Variants in DOCK3 observed in about 807,000 individuals in gnomAD.
DOCK3 encodes the protein dedicator of cytokinesis protein 3.
DOCK3 carries 60 observed loss-of-function variants against 265.6 expected under a neutral mutation model. That is an observed-to-expected ratio of 0.23 (90% confidence interval 0.18 to 0.28). The LOEUF (loss-of-function observed/expected upper bound fraction) is 0.28, where lower values mean the gene tolerates loss of function less well. Ranked by LOEUF, DOCK3 falls within the 10% of genes least tolerant of loss-of-function variation. DOCK3 has a pLI of 1.00. For synonymous variants in DOCK3, 881 were observed against 938.0 expected (o/e 0.94, Z 1.11); for missense variants, 1,981 against 2,594.3 (o/e 0.76, Z 5.14).
At chr3:50,927,510 A>C (rs1206707605) in intron 4 of DOCK3, among the ~76,000 whole-genome samples, 1 of 152,238 alleles carries the variant, frequency 6.6e-6, no homozygotes. Flanking sequence ...TTGTGTGCTT[A>C]TATCAGAATA....
chr3:51,224,565 A>G (rs2090244587), intron 14 of DOCK3, among the ~76,000 whole-genome samples: 1 of 152,326 alleles, frequency 6.6e-6, no homozygotes, highest in South Asian at 2.1e-4. Flanking sequence ...TAGTTTTTCT[A>G]AGAACTGAAG....
intron 10 of DOCK3, among the ~76,000 whole-genome samples, chr3:51,149,154 G>A (rs1318125039): frequency 6.6e-6 from 1 of 152,134 alleles, no homozygotes; most frequent in Non-Finnish European, 1.5e-5. Flanking sequence ...TGTTATTGGT[G>A]TAGAGGAATG....
intron 35 of DOCK3, among the ~76,000 whole-genome samples, chr3:51,333,728 T>C (rs2084681649): frequency 6.6e-6 from 1 of 152,202 alleles, no homozygotes; most frequent in African/African-American, 2.4e-5. Context: ...TCAATGCCTA[T>C]ATTCTTTATC....
At chr3:51,338,446 C>T in intron 36 of DOCK3, 27 bp downstream of exon 36, 1 of 1,551,516 alleles carries the variant, frequency 6.4e-7, no homozygotes, top group Non-Finnish European at 8.7e-7. Context: ...CCTGACTTCT[C>T]TCTGCCTACT....
intron 4 of DOCK3, chr3:50,893,136 C>T (rs1197536295): frequency 1.1e-5 from 2 of 174,482 alleles, no homozygotes; most frequent in Non-Finnish European, 2.5e-5. Context: ...TGAAGTCAGT[C>T]CATAAAGACC....
chr3:50,860,297 C>T (rs2046845553), intron 3 of DOCK3, among the ~76,000 whole-genome samples: 1 of 152,190 alleles, frequency 6.6e-6, no homozygotes, highest in South Asian at 2.1e-4. Flanking sequence ...ATTGCAGAAG[C>T]AGTGCCAGAG....
chr3:51,132,309 A>G (rs1316656586), intron 9 of DOCK3, among the ~76,000 whole-genome samples: 2 of 152,124 alleles, frequency 1.3e-5, no homozygotes, highest in Admixed American at 1.3e-4. Flanking sequence ...TTCTGTTTAT[A>G]TAAATTAGAA....
At chr3:51,226,666 C>A (rs2061950) in intron 15 of DOCK3, among the ~76,000 whole-genome samples, 118,140 of 152,096 alleles carry the variant, frequency 0.78, 46,980 homozygotes, top group Middle Eastern at 0.89. Flanking sequence ...ATCACATCAC[C>A]CCTGTGTGGA....
intron 12 of DOCK3, among the ~76,000 whole-genome samples, chr3:51,184,316 C>CA (rs34084936): frequency 0.79 from 109,345 of 137,902 alleles, 43,129 homozygotes; most frequent in Middle Eastern, 0.89. Context: ...TGCTTTGAAA[C>CA]AAAAAAAAAA....
chr3:51,371,508 T>G (rs1364173994), intron 49 of DOCK3, among the ~76,000 whole-genome samples: 1 of 152,198 alleles, frequency 6.6e-6, no homozygotes, highest in Non-Finnish European at 1.5e-5. Flanking sequence ...CTGTGTGACA[T>G]GGCATCATAG....
chr3:51,086,258 T>C (rs1013466396), intron 7 of DOCK3, among the ~76,000 whole-genome samples: 15 of 152,118 alleles, frequency 9.9e-5, no homozygotes, highest in Admixed American at 3.9e-4. Flanking sequence ...TGCTATTGTT[T>C]GTGATATAAG....
chr3:50,935,663 G>T (rs1399841952), intron 5 of DOCK3, among the ~76,000 whole-genome samples: 1 of 152,096 alleles, frequency 6.6e-6, no homozygotes, highest in Non-Finnish European at 1.5e-5. Flanking sequence ...TTCCATCCTT[G>T]CCCTGCTAAA....
At chr3:50,707,804 G>A (rs2036511973) in intron 1 of DOCK3, among the ~76,000 whole-genome samples, 2 of 152,122 alleles carry the variant, frequency 1.3e-5, no homozygotes, top group Non-Finnish European at 2.9e-5. Flanking sequence ...CAGTGGCAGT[G>A]GTGTGCCACT....
At chr3:51,336,037 A>G (rs971365275) in intron 35 of DOCK3, among the ~76,000 whole-genome samples, 7 of 151,906 alleles carry the variant, frequency 4.6e-5, no homozygotes, top group Non-Finnish European at 8.8e-5. Context: ...ATAGTTGTTG[A>G]TATGACTCAA....
intron 13 of DOCK3, among the ~76,000 whole-genome samples, chr3:51,213,451 G>A (rs1343041984): frequency 6.6e-6 from 1 of 152,190 alleles, no homozygotes; most frequent in African/African-American, 2.4e-5. Flanking sequence ...AAGGGTGTAA[G>A]TAGTGAGCCA....
At chr3:50,998,057 G>GAATATATA (rs2078345551) in intron 5 of DOCK3, among the ~76,000 whole-genome samples, 1 of 151,978 alleles carries the variant, frequency 6.6e-6, no homozygotes, top group Admixed American at 6.6e-5. Flanking sequence ...CTTTTTGAAT[G>GAATATATA]TTTTCTATAT....
intron 4 of DOCK3, among the ~76,000 whole-genome samples, chr3:50,931,752 G>A (rs1202990868): frequency 6.6e-6 from 1 of 152,222 alleles, no homozygotes; most frequent in East Asian, 1.9e-4. Flanking sequence ...GGTGAGAAAA[G>A]TGAGTCTCTT....
chr3:51,230,758 A>C (rs1039489895), intron 19 of DOCK3, among the ~76,000 whole-genome samples: 1 of 152,114 alleles, frequency 6.6e-6, no homozygotes, highest in African/African-American at 2.4e-5. Flanking sequence ...CTCGTGATCC[A>C]TCCGCCTTGG....
intron 2 of DOCK3, chr3:50,786,808 C>T (rs2042208492): frequency 1.3e-6 from 1 of 741,460 alleles, no homozygotes; most frequent in Non-Finnish European, 2.6e-6. Flanking sequence ...CGTGGATGCT[C>T]ATGTGGGTGT....
Sources: allele counts gnomAD v4.1 joint callset (sites outside exome capture counted in the v4.1 genomes callset), GRCh38; gene constraint gnomAD v4.1.1; transcripts MANE v1.5; gene names NCBI Gene and HGNC (gene_info 2026-07-23, HGNC 2026-07-21).